The following IKZF3 variants were observed in gnomAD, a reference collection of about 807,000 sequenced individuals.
IKZF3 encodes the protein zinc finger protein Aiolos.
In IKZF3, 10 loss-of-function variants were observed where a neutral mutation model predicts 49.0. The observed-to-expected ratio is 0.20, with a 90% confidence interval of 0.13 to 0.35. The LOEUF is 0.35. IKZF3 is among the 10% of genes least tolerant of loss of function. The pLI is 1.00. For missense variants in IKZF3, 498 were observed against 664.8 expected (o/e 0.75, Z 2.76); for synonymous variants, 209 against 228.2 (o/e 0.92, Z 0.76).
At chr17:39,838,459 A>G (rs1271749092) in intron 1 of IKZF3, among the ~76,000 whole-genome samples, 2 of 152,086 alleles carry the variant, frequency 1.3e-5, no homozygotes, top group African/African-American at 4.8e-5. Context: ...TAGAATTTCC[A>G]TTTAGTTCAT....
At chr17:39,773,769 T>A (rs1417909346) in intron 7 of IKZF3, among the ~76,000 whole-genome samples, 1 of 152,184 alleles carries the variant, frequency 6.6e-6, no homozygotes, top group Non-Finnish European at 1.5e-5. Context: ...TATTTGAGGA[T>A]GGCCTAGTTT....
At chr17:39,841,414 C>T (rs1015155981) in intron 1 of IKZF3, among the ~76,000 whole-genome samples, 6 of 151,982 alleles carry the variant, frequency 3.9e-5, no homozygotes, top group African/African-American at 1.4e-4. Flanking sequence ...TACCAAAACT[C>T]GAGTGGGGTG....
intron 1 of IKZF3, among the ~76,000 whole-genome samples, chr17:39,857,947 C>A: frequency 6.8e-6 from 1 of 146,412 alleles, no homozygotes; most frequent in Non-Finnish European, 1.5e-5. Context: ...TGTAGAGAGA[C>A]CTCATCTCAA....
At chr17:39,840,330 A>G (rs1181539071) in intron 1 of IKZF3, among the ~76,000 whole-genome samples, 2 of 152,206 alleles carry the variant, frequency 1.3e-5, no homozygotes, top group East Asian at 3.8e-4. Context: ...TGGATTTTCT[A>G]TCCACTCTGA....
At chr17:39,851,010 T>A (rs942607764) in intron 1 of IKZF3, among the ~76,000 whole-genome samples, 2 of 144,854 alleles carry the variant, frequency 1.4e-5, no homozygotes, top group Admixed American at 1.4e-4. Flanking sequence ...CATGTATATA[T>A]TATATACACG....
intron 3 of IKZF3, among the ~76,000 whole-genome samples, chr17:39,822,345 T>C (rs1042410508): frequency 1.3e-5 from 2 of 152,158 alleles, no homozygotes; most frequent in Admixed American, 6.6e-5. Flanking sequence ...AAATGAATCA[T>C]GGAGGTGGTT....
At chr17:39,851,690 CCTT>C (rs1303694129) in intron 1 of IKZF3, among the ~76,000 whole-genome samples, 2 of 152,038 alleles carry the variant, frequency 1.3e-5, no homozygotes, top group Non-Finnish European at 2.9e-5. Flanking sequence ...CAGAAGGAAA[CCTT>C]CTAAGGTGAT....
At chr17:39,839,567 G>C in intron 1 of IKZF3, 1 of 501,538 alleles carries the variant, frequency 2.0e-6, no homozygotes, top group Non-Finnish European at 3.9e-6. Flanking sequence ...GGCGGAGAAA[G>C]GAAGAGAGGA....
At chr17:39,777,367 G>T (rs936281987) in intron 7 of IKZF3, among the ~76,000 whole-genome samples, 8 of 152,180 alleles carry the variant, frequency 5.3e-5, no homozygotes, top group Non-Finnish European at 1.0e-4. Flanking sequence ...TGCAACATAT[G>T]TCATTCAGAG....
intron 1 of IKZF3, among the ~76,000 whole-genome samples, chr17:39,847,187 G>A (rs943107190): frequency 2.6e-5 from 4 of 152,102 alleles, no homozygotes; most frequent in Non-Finnish European, 4.4e-5. Flanking sequence ...TGTCATTTCT[G>A]CAAAATCCTT....
chr17:39,786,011 C>T (rs949417716), intron 6 of IKZF3, among the ~76,000 whole-genome samples: 1 of 152,102 alleles, frequency 6.6e-6, no homozygotes, highest in Admixed American at 6.5e-5. Context: ...CAGGCAAATC[C>T]ATAGAGACAG....
At chr17:39,777,629 G>A (rs2143722116) in intron 7 of IKZF3, 22 bp downstream of exon 7, 1 of 1,545,098 alleles carries the variant, frequency 6.5e-7, no homozygotes, top group South Asian at 1.1e-5. Flanking sequence ...AACAACAGCA[G>A]GAAAAAGGTT....
At chr17:39,798,514 T>C (rs1163261880) in intron 3 of IKZF3, among the ~76,000 whole-genome samples, 1 of 151,884 alleles carries the variant, frequency 6.6e-6, no homozygotes, top group East Asian at 1.9e-4. Context: ...CGTATTTTTT[T>C]TTTTTTTTTG....
intron 6 of IKZF3, among the ~76,000 whole-genome samples, chr17:39,787,783 C>T (rs1385270989): frequency 3.3e-5 from 5 of 152,204 alleles, no homozygotes; most frequent in Non-Finnish European, 5.9e-5. Context: ...CCTCTTTGTA[C>T]AAAACCCTCT....
chr17:39,854,209 C>G (rs1273442049), intron 1 of IKZF3, among the ~76,000 whole-genome samples: 1 of 151,622 alleles, frequency 6.6e-6, no homozygotes, highest in African/African-American at 2.4e-5. Context: ...AATGTAAATG[C>G]ACCAGCACAA....
intron 1 of IKZF3, chr17:39,835,581 T>G (rs770379458): frequency 5.1e-5 from 22 of 434,378 alleles, no homozygotes; most frequent in Non-Finnish European, 9.9e-5. Context: ...AGCCTTGGCC[T>G]GGCTGCGGTT....
chr17:39,784,306 C>T (rs963083637), intron 6 of IKZF3, among the ~76,000 whole-genome samples: 1 of 152,040 alleles, frequency 6.6e-6, no homozygotes, highest in Non-Finnish European at 1.5e-5. Flanking sequence ...ATTTTTCCTT[C>T]TTTTCATATA....
rs898809844 is a variant in IKZF3 at position 39,845,776 on chromosome 17, T to C, written c.8-13625A>G. Among the ~76,000 whole-genome samples, 6 of 152,196 alleles carry C rather than the reference T, an allele frequency of 3.9e-5. No homozygotes were observed. The East Asian group carries it at 1.2e-3, about 29-fold the overall frequency. ...CTGCAATTGGAATTTCAAGAGAAAG[T>C]TGCGGTTTTCACTGACGCAGTAATC... On this transcript the variant is annotated intron_variant, in intron 1 of 7. Coordinates refer to ENST00000346872, the MANE Select transcript of IKZF3 (RefSeq NM_012481.5).
chr17:39,784,638 G>T (rs1337005019), intron 6 of IKZF3, among the ~76,000 whole-genome samples: 1 of 152,156 alleles, frequency 6.6e-6, no homozygotes, highest in East Asian at 1.9e-4. Context: ...TCTTGACCTT[G>T]TGATCCGCCC....
Sources: gnomAD v4.1 joint callset for allele counts (sites outside exome capture counted in the v4.1 genomes callset) on GRCh38, gnomAD v4.1.1 for gene constraint, MANE v1.5 for transcripts, NCBI Gene and HGNC (gene_info 2026-07-23, HGNC 2026-07-21) for gene names.